Variants in FRMD6 observed in about 807,000 individuals in gnomAD.
The protein encoded by FRMD6 is FERM domain containing 6, also known as FERM domain-containing protein 6.
FRMD6 carries 37 observed loss-of-function variants against 73.2 expected under a neutral mutation model. That is an observed-to-expected ratio of 0.51 (90% CI 0.39 to 0.66). The LOEUF is 0.66. FRMD6 is among the 30% of genes least tolerant of loss of function. FRMD6 has a pLI of 0.00. For synonymous variants in FRMD6, 273 were observed against 282.2 expected (o/e 0.97, Z 0.33); for missense variants, 714 against 780.5 (o/e 0.91, Z 1.02).
chr14:51,724,730 T>G (rs2140688949), intron 12 of FRMD6, among the ~76,000 whole-genome samples: 1 of 139,432 alleles, frequency 7.2e-6, no homozygotes, highest in East Asian at 2.1e-4. Flanking sequence ...AAGGGTTTTT[T>G]GTTTTTTTTT....
At chr14:51,415,212 G>A in the FRMD6 span, among the ~76,000 whole-genome samples, 1 of 152,172 alleles carries the variant, frequency 6.6e-6, no homozygotes, top group South Asian at 2.1e-4. Context: ...GTGAGAGAGG[G>A]CATCCCTGTC....
the FRMD6 span, among the ~76,000 whole-genome samples, chr14:51,432,547 C>A: frequency 2.0e-5 from 3 of 152,166 alleles, no homozygotes; most frequent in Admixed American, 6.5e-5. Flanking sequence ...GCCTGACACT[C>A]AAATGTGAAG....
At chr14:51,404,521 G>T in the FRMD6 span, among the ~76,000 whole-genome samples, 2 of 152,130 alleles carry the variant, frequency 1.3e-5, no homozygotes, top group East Asian at 3.9e-4. Flanking sequence ...AAATGTTAGT[G>T]TTGTTGGCAT....
the FRMD6 span, among the ~76,000 whole-genome samples, chr14:51,416,508 G>A: frequency 6.6e-6 from 1 of 152,206 alleles, no homozygotes; most frequent in Admixed American, 6.5e-5. Context: ...TTGCACTGTG[G>A]TCTGAGAGAC....
chr14:51,441,168 AG>A, the FRMD6 span, among the ~76,000 whole-genome samples: 4 of 152,238 alleles, frequency 2.6e-5, no homozygotes, highest in African/African-American at 9.6e-5. Flanking sequence ...CTGCAGCCAG[AG>A]GGCGGGACCT....
chr14:51,464,570 A>G, the FRMD6 span, among the ~76,000 whole-genome samples: 1 of 152,180 alleles, frequency 6.6e-6, no homozygotes, highest in Non-Finnish European at 1.5e-5. Flanking sequence ...AGAGCTGAGA[A>G]CAGGAGAACT....
chr14:51,699,213 C>T (rs1439565670), intron 3 of FRMD6, among the ~76,000 whole-genome samples: 1 of 152,088 alleles, frequency 6.6e-6, no homozygotes, highest in African/African-American at 2.4e-5. Flanking sequence ...GCAGGGAACA[C>T]ATCAGGACCT....
chr14:51,721,158 G>A (rs1897537483), intron 11 of FRMD6, among the ~76,000 whole-genome samples: 1 of 152,214 alleles, frequency 6.6e-6, no homozygotes, highest in African/African-American at 2.4e-5. Context: ...ATCTGCCTGT[G>A]TCAGTGAGCC....
chr14:51,508,309 A>G (rs1402827194), intron 1 of FRMD6, among the ~76,000 whole-genome samples: 2 of 152,262 alleles, frequency 1.3e-5, no homozygotes, highest in Admixed American at 1.3e-4. Flanking sequence ...ACTGGCAGCA[A>G]TTTAGCCAGA....
chr14:51,678,653 C>G (rs1894565452), intron 1 of FRMD6, among the ~76,000 whole-genome samples: 1 of 152,096 alleles, frequency 6.6e-6, no homozygotes, highest in African/African-American at 2.4e-5. Context: ...AGAGCCAGTA[C>G]TACCCTGGGC....
intron 2 of FRMD6, among the ~76,000 whole-genome samples, chr14:51,627,562 G>T (rs755339805): frequency 2.6e-5 from 4 of 152,134 alleles, no homozygotes; most frequent in Non-Finnish European, 5.9e-5. Flanking sequence ...GCAGAGATAG[G>T]CTGCTGGGCC....
chr14:51,638,272 A>G (rs2140014721), intron 2 of FRMD6, among the ~76,000 whole-genome samples: 1 of 152,082 alleles, frequency 6.6e-6, no homozygotes, highest in Admixed American at 6.5e-5. Flanking sequence ...ACAGAGCAAG[A>G]CCTTGTCTTA....
At chr14:51,691,313 G>A (rs1160350161) in intron 2 of FRMD6, among the ~76,000 whole-genome samples, 1 of 152,140 alleles carries the variant, frequency 6.6e-6, no homozygotes, top group Non-Finnish European at 1.5e-5. Context: ...CATGTTATGT[G>A]TATGCACATG....
At chr14:51,514,635 G>A (rs908812861) in intron 1 of FRMD6, among the ~76,000 whole-genome samples, 1 of 152,212 alleles carries the variant, frequency 6.6e-6, no homozygotes, top group Non-Finnish European at 1.5e-5. Flanking sequence ...ATCACTTGAT[G>A]TCAGGAGTTC....
At chr14:51,433,647 C>T in the FRMD6 span, among the ~76,000 whole-genome samples, 1 of 152,138 alleles carries the variant, frequency 6.6e-6, no homozygotes, top group Non-Finnish European at 1.5e-5. Flanking sequence ...CCAGGAGTAA[C>T]GAGATTGGTT....
chr14:51,509,388 G>A (rs569791022), intron 1 of FRMD6, among the ~76,000 whole-genome samples: 5 of 152,072 alleles, frequency 3.3e-5, no homozygotes, highest in South Asian at 4.2e-4. Flanking sequence ...TTAGCCAGGC[G>A]TAGTGGCAGA....
chr14:51,500,439 A>G (rs1200028159), intron 1 of FRMD6, among the ~76,000 whole-genome samples: 2 of 152,150 alleles, frequency 1.3e-5, no homozygotes, highest in Admixed American at 1.3e-4. Flanking sequence ...AGGCAGGACA[A>G]TCGCTTGAAC....
intron 2 of FRMD6, among the ~76,000 whole-genome samples, chr14:51,603,083 A>T (rs1890102934): frequency 6.6e-6 from 1 of 152,208 alleles, no homozygotes; most frequent in Non-Finnish European, 1.5e-5. Flanking sequence ...GCCCTTATAA[A>T]AGAGACTCCA....
At chr14:51,670,115 T>G (rs918282239) in intron 1 of FRMD6, among the ~76,000 whole-genome samples, 1 of 152,204 alleles carries the variant, frequency 6.6e-6, no homozygotes, top group Admixed American at 6.5e-5. Context: ...CTCACTCTGT[T>G]GCCAAGACTA....
Sources: gnomAD v4.1 joint callset for allele counts (sites outside exome capture counted in the v4.1 genomes callset) on GRCh38, gnomAD v4.1.1 for gene constraint, MANE v1.5 for transcripts, NCBI Gene and HGNC (gene_info 2026-07-23, HGNC 2026-07-21) for gene names.